PLSCR4: variants seen among roughly 807,000 people sequenced by gnomAD.
PLSCR4 encodes the protein Ca(2+)-dependent phospholipid scramblase 4.
In PLSCR4, 25 loss-of-function variants were observed where a neutral mutation model predicts 36.3. That is an observed-to-expected ratio of 0.69 (90% CI 0.50 to 0.96). The LOEUF is 0.96. Ranked by LOEUF, PLSCR4 falls within the 40% of genes least tolerant of loss-of-function variation. The probability of loss-of-function intolerance (pLI) is 0.00; values close to 1 mark genes in which losing one functional copy is unlikely to be tolerated. For synonymous variants in PLSCR4, 122 were observed against 132.9 expected (o/e 0.92, Z 0.56); for missense variants, 408 against 414.7 (o/e 0.98, Z 0.14).
chr3:146,235,276 C>G (rs1293601837), intron 1 of PLSCR4, among the ~76,000 whole-genome samples: 1 of 152,046 alleles, frequency 6.6e-6, no homozygotes, highest in Non-Finnish European at 1.5e-5. Context: ...TGGTTTAGCA[C>G]CATCTCCCTA....
At chr3:146,202,011 A>T (rs1275413296) in intron 4 of PLSCR4, among the ~76,000 whole-genome samples, 1 of 151,928 alleles carries the variant, frequency 6.6e-6, no homozygotes, top group African/African-American at 2.4e-5. Context: ...AATGAAGAAT[A>T]TATGAATGCA....
At chr3:146,216,774 T>C (rs1053366735) in intron 3 of PLSCR4, among the ~76,000 whole-genome samples, 2 of 152,174 alleles carry the variant, frequency 1.3e-5, no homozygotes, top group African/African-American at 4.8e-5. Flanking sequence ...TTTGGGCCTA[T>C]ACACTGGATT....
intron 1 of PLSCR4, among the ~76,000 whole-genome samples, chr3:146,236,764 G>A (rs559483660): frequency 5.3e-4 from 81 of 151,930 alleles, no homozygotes; most frequent in African/African-American, 1.7e-3. Context: ...TATCAGCAGC[G>A]TGAAAATGGA....
At chr3:146,231,692 A>AT (rs371892079) in intron 1 of PLSCR4, among the ~76,000 whole-genome samples, 1 of 151,994 alleles carries the variant, frequency 6.6e-6, no homozygotes, top group East Asian at 1.9e-4. Context: ...ACCTTTGCCC[A>AT]TTTTTTAATG....
At chr3:146,224,499 C>T (rs906417665) in intron 1 of PLSCR4, among the ~76,000 whole-genome samples, 2 of 149,022 alleles carry the variant, frequency 1.3e-5, no homozygotes, top group South Asian at 2.1e-4. Flanking sequence ...TCTTATGTTC[C>T]GATGTATTCG....
chr3:146,226,349 G>A (rs2035477463), intron 1 of PLSCR4, among the ~76,000 whole-genome samples: 1 of 152,140 alleles, frequency 6.6e-6, no homozygotes. Flanking sequence ...CTAACTAATG[G>A]TCTGTTGTTT....
At chr3:146,229,039 A>G (rs1008693481) in intron 1 of PLSCR4, among the ~76,000 whole-genome samples, 5 of 152,166 alleles carry the variant, frequency 3.3e-5, no homozygotes, top group East Asian at 1.9e-4. Context: ...TGTATTAACT[A>G]TTTTCTTCTA....
chr3:146,223,188 G>T (rs918249492), intron 1 of PLSCR4, among the ~76,000 whole-genome samples: 7 of 152,116 alleles, frequency 4.6e-5, no homozygotes, highest in African/African-American at 1.7e-4. Flanking sequence ...AAGAAGACTA[G>T]AAGTTGAGAC....
At chr3:146,216,488 C>T (rs904749033) in intron 3 of PLSCR4, among the ~76,000 whole-genome samples, 10 of 151,990 alleles carry the variant, frequency 6.6e-5, no homozygotes, top group Admixed American at 5.9e-4. Flanking sequence ...CATCATATTC[C>T]AGCCCTTACT....
rs144907908 is a variant in PLSCR4 at position 146,198,846 on chromosome 3, G to A, written c.624+967C>T. ...TATCCAAAAGGATCAAGGATAATAG[G>A]TATTCACTTCACATATAAGGCTGTT... On this transcript the variant is annotated intron_variant, in intron 6 of 8. Coordinates refer to ENST00000354952, the MANE Select transcript of PLSCR4 (RefSeq NM_020353.3). Among the ~76,000 whole-genome samples the A allele has an allele frequency of 2.3e-3, 356 of 152,094 alleles. 3 individuals are homozygous for A. The highest frequency in any genetic ancestry group is 8.4e-3 in the African/African-American group (349 of 41,492).
chr3:146,242,583 A>G (rs759236589), intron 1 of PLSCR4, among the ~76,000 whole-genome samples: 2 of 152,174 alleles, frequency 1.3e-5, no homozygotes, highest in African/African-American at 2.4e-5. Context: ...CATAAACTCA[A>G]CTCAGTTAGT....
chr3:146,196,465 T>A (rs1285708676), intron 7 of PLSCR4, 167 bp downstream of exon 7: 1 of 630,114 alleles, frequency 1.6e-6, no homozygotes, highest in Non-Finnish European at 2.7e-6. Context: ...AACCTCAATC[T>A]ACTCACAATA....
chr3:146,248,447 AAATT>A (rs2036427597), intron 1 of PLSCR4, among the ~76,000 whole-genome samples: 2 of 152,072 alleles, frequency 1.3e-5, no homozygotes, highest in Admixed American at 6.6e-5. Flanking sequence ...CCTATATTCC[AAATT>A]ATTTACAAAA....
intron 7 of PLSCR4, 42 bp from the exon 8 acceptor site, chr3:146,195,324 T>C (rs760171897): frequency 3.0e-5 from 44 of 1,490,810 alleles, no homozygotes; most frequent in Admixed American, 8.4e-5. Context: ...TTGAAACGCA[T>C]TGAAGCATGT....
At chr3:146,231,067 T>C (rs1310023492) in intron 1 of PLSCR4, among the ~76,000 whole-genome samples, 1 of 152,110 alleles carries the variant, frequency 6.6e-6, no homozygotes, top group Non-Finnish European at 1.5e-5. Context: ...CTCCTCATTG[T>C]TTCCATGTGT....
intron 3 of PLSCR4, among the ~76,000 whole-genome samples, chr3:146,208,127 C>T (rs907833531): frequency 1.3e-5 from 2 of 151,878 alleles, no homozygotes; most frequent in South Asian, 2.1e-4. Context: ...CAAAAATAAA[C>T]CCAAATACAG....
At chr3:146,205,901 G>A (rs2034303393) in intron 4 of PLSCR4, among the ~76,000 whole-genome samples, 1 of 151,988 alleles carries the variant, frequency 6.6e-6, no homozygotes, top group Non-Finnish European at 1.5e-5. Context: ...AACTATTTGT[G>A]CACAAACTTC....
intron 8 of PLSCR4, among the ~76,000 whole-genome samples, chr3:146,194,669 A>C (rs982096767): frequency 6.6e-6 from 1 of 152,182 alleles, no homozygotes; most frequent in Non-Finnish European, 1.5e-5. Flanking sequence ...ACTGAATCTC[A>C]TCATTAAAAA....
At chr3:146,216,157 G>A (rs1320383016) in intron 3 of PLSCR4, among the ~76,000 whole-genome samples, 1 of 152,076 alleles carries the variant, frequency 6.6e-6, no homozygotes, top group Non-Finnish European at 1.5e-5. Flanking sequence ...TTAGAACCCG[G>A]GAAGCGGAGG....
Sources: gnomAD v4.1 joint callset for allele counts (sites outside exome capture counted in the v4.1 genomes callset) on GRCh38, gnomAD v4.1.1 for gene constraint, MANE v1.5 for transcripts, NCBI Gene and HGNC (gene_info 2026-07-23, HGNC 2026-07-21) for gene names.